MSRB3: variants seen among roughly 807,000 people sequenced by gnomAD.
MSRB3 encodes the protein methionine sulfoxide reductase B3.
In MSRB3, 13 loss-of-function variants were observed where a neutral mutation model predicts 21.0. The ratio of observed to expected loss-of-function variants is 0.62; its 90% CI spans 0.40 to 0.98. The LOEUF (loss-of-function observed/expected upper bound fraction) is 0.98. Among genes scored for constraint, MSRB3 ranks in the 50% least tolerant of loss-of-function variants. MSRB3 has a pLI of 0.00. For synonymous variants in MSRB3, 87 were observed against 88.6 expected (o/e 0.98, Z 0.10); for missense variants, 199 against 230.3 (o/e 0.86, Z 0.88).
chr12:65,305,188 C>T (rs1188858059), intron 1 of MSRB3: 2 of 152,132 alleles, frequency 1.3e-5, no homozygotes, highest in Non-Finnish European at 2.9e-5. Flanking sequence ...CTGCCTCAGC[C>T]TCCTGAGTAG....
Position 65,290,277 on chromosome 12 carries a change from G to A in MSRB3, c.-52+11412G>A, listed in dbSNP as rs183736325. On this transcript the variant is annotated intron_variant, in intron 1 of 6. Transcript: ENST00000308259. The stretch of plus-strand genomic sequence containing the variant: ...ATGATAAATCATATATTAAGATTAA[G>A]GACTGAGGCAAGAGTGTTCAGTAAT... 7.8e-4 allele frequency among the ~76,000 whole-genome samples: 119 copies of A among 152,272 alleles called. 1 individual carries two copies. The highest frequency in any genetic ancestry group is 1.2e-4 in the Non-Finnish European group (8 of 68,028).
intron 4 of MSRB3, among the ~76,000 whole-genome samples, chr12:65,346,179 G>C (rs1420686124): frequency 2.0e-5 from 3 of 152,106 alleles, no homozygotes; most frequent in Non-Finnish European, 4.4e-5. Flanking sequence ...CACAATGGTT[G>C]AACTAGTTTA....
chr12:65,373,322 T>C (rs1878423602), intron 5 of MSRB3, among the ~76,000 whole-genome samples: 1 of 152,216 alleles, frequency 6.6e-6, no homozygotes, highest in African/African-American at 2.4e-5. Flanking sequence ...TAGAATAGCT[T>C]TCTGACCAAG....
rs763609188 is a variant in MSRB3 at position 65,466,432 on chromosome 12, G to A, written c.*3110G>A. The A allele has an allele frequency of 2.0e-5, 3 of 152,148 alleles. No homozygotes were observed. Among genetic ancestry groups the A allele is most frequent in the Non-Finnish European group, 4.4e-5 (3 of 68,030 alleles). 9.4% of individuals were successfully genotyped at this position (152,148 alleles called of 1,614,324 possible). A position where few individuals can be genotyped will look rare whatever the true frequency, so the allele number is the denominator to read the frequency against. On this transcript the variant is annotated 3_prime_UTR_variant, in exon 7 of 7. Coordinates refer to ENST00000308259, the MANE Select transcript of MSRB3 (RefSeq NM_001031679.3). Reference sequence around the variant, plus strand: ...ATATGGCAAGGTGTATGTGATCTGTGGGAGTTATGCCATTTAACATAGGAA... The same window carrying A: ...ATATGGCAAGGTGTATGTGATCTGTAGGAGTTATGCCATTTAACATAGGAA...
At chr12:65,328,965 A>C (rs7963184) in intron 4 of MSRB3, among the ~76,000 whole-genome samples, 6,148 of 152,290 alleles carry the variant, frequency 0.04, 239 homozygotes, top group African/African-American at 0.094. Context: ...ACATAATGAA[A>C]AGTTCTTCAT....
At chr12:65,334,534 A>G (rs1376985666) in intron 4 of MSRB3, among the ~76,000 whole-genome samples, 2 of 139,732 alleles carry the variant, frequency 1.4e-5, no homozygotes, top group Non-Finnish European at 3.0e-5. Flanking sequence ...AAACATGCAT[A>G]CACACACACA....
chr12:65,427,063 A>T (rs995226689), intron 5 of MSRB3, among the ~76,000 whole-genome samples: 6 of 152,074 alleles, frequency 3.9e-5, no homozygotes, highest in Admixed American at 3.9e-4. Flanking sequence ...ACCTACTGGG[A>T]AATTATTGTG....
rs1289806616 is a variant in MSRB3, at chr12:65,466,278, G to A, written c.*2956G>A. ...TCCAGATTGCTTTTGGGTTTAAGTG[G>A]TATCAAATTTCAGTATATTTCTGTC... is the stretch of plus-strand genomic sequence containing the variant. On this transcript the variant is annotated 3_prime_UTR_variant, in exon 7 of 7. Coordinates refer to ENST00000308259, the MANE Select transcript of MSRB3 (RefSeq NM_001031679.3). 3 of 152,068 alleles carry A rather than the reference G, an allele frequency of 2.0e-5. No homozygotes were observed. Among genetic ancestry groups the A allele is most frequent in the Non-Finnish European group, 2.9e-5 (2 of 68,000 alleles). 9.4% of individuals were successfully genotyped at this position (152,068 alleles called of 1,614,324 possible).
chr12:65,413,023 C>T (rs879772497), intron 5 of MSRB3, among the ~76,000 whole-genome samples: 5 of 152,256 alleles, frequency 3.3e-5, no homozygotes, highest in Admixed American at 6.5e-5. Flanking sequence ...TCCCTTGACA[C>T]GTGGGGATGA....
chr12:65,328,724 A>G (rs1875218580), intron 4 of MSRB3, 121 bp downstream of exon 4: 4 of 743,964 alleles, frequency 5.4e-6, no homozygotes, highest in Admixed American at 2.1e-5. Context: ...TTCTATTTCC[A>G]TTTACCCCCA....
chr12:65,428,943 G>GT (rs1270666371), intron 5 of MSRB3, among the ~76,000 whole-genome samples: 2 of 152,062 alleles, frequency 1.3e-5, no homozygotes, highest in Non-Finnish European at 2.9e-5. Flanking sequence ...TATGCCCCTT[G>GT]TAAAACAGCT....
intron 1 of MSRB3, among the ~76,000 whole-genome samples, chr12:65,305,919 AATATTTGGC>A (rs1421848195): frequency 4.0e-4 from 61 of 152,352 alleles, no homozygotes; most frequent in African/African-American, 1.0e-3. Context: ...AAAACTAGCA[AATATTTGGC>A]ATATTTAAAT....
chr12:65,369,861 C>T (rs1878221732), intron 5 of MSRB3, among the ~76,000 whole-genome samples: 1 of 152,088 alleles, frequency 6.6e-6, no homozygotes. Context: ...AACATTTTTA[C>T]TCTGGTTCAA....
chr12:65,296,375 C>T (rs1331875657), intron 1 of MSRB3, among the ~76,000 whole-genome samples: 1 of 152,170 alleles, frequency 6.6e-6, no homozygotes, highest in African/African-American at 2.4e-5. Context: ...TTTCAATCTC[C>T]ATAAGGGAAG....
At chr12:65,390,422 A>G (rs1220257543) in intron 5 of MSRB3, among the ~76,000 whole-genome samples, 1 of 152,184 alleles carries the variant, frequency 6.6e-6, no homozygotes, top group East Asian at 1.9e-4. Flanking sequence ...AGAATTACTA[A>G]AGGCCAATAA....
intron 5 of MSRB3, among the ~76,000 whole-genome samples, chr12:65,405,985 T>C (rs1217746631): frequency 6.6e-6 from 1 of 152,216 alleles, no homozygotes; most frequent in Non-Finnish European, 1.5e-5. Context: ...TCTTATCAGA[T>C]ATAAAATTTG....
intron 6 of MSRB3, among the ~76,000 whole-genome samples, chr12:65,460,396 T>C (rs2136715688): frequency 6.6e-6 from 1 of 152,306 alleles, no homozygotes; most frequent in South Asian, 2.1e-4. Flanking sequence ...TAACAGTCCT[T>C]TCTGGGAGAC....
At chr12:65,372,911 G>T (rs1340210517) in intron 5 of MSRB3, among the ~76,000 whole-genome samples, 1 of 152,190 alleles carries the variant, frequency 6.6e-6, no homozygotes, top group Non-Finnish European at 1.5e-5. Flanking sequence ...TATAAACTTT[G>T]CTTAAATAAG....
intron 5 of MSRB3, among the ~76,000 whole-genome samples, chr12:65,439,662 GTAATCTTGAATACCTTCAT>G (rs1882283581): frequency 6.6e-6 from 1 of 151,374 alleles, no homozygotes; most frequent in African/African-American, 2.4e-5. Context: ...AGGAAATGTT[GTAATCTTGAATACCTTCAT>G]TATTATAGAA....
Sources: allele counts gnomAD v4.1 joint callset (sites outside exome capture counted in the v4.1 genomes callset), GRCh38; gene constraint gnomAD v4.1.1; transcripts MANE v1.5; gene names NCBI Gene and HGNC (gene_info 2026-07-23, HGNC 2026-07-21).